Variants in NELL1 observed in about 807,000 individuals in gnomAD.
NELL1 encodes the protein protein kinase C-binding protein NELL1.
A neutral mutation model predicts 107.4 loss-of-function variants in NELL1; 76 were observed. The ratio of observed to expected loss-of-function variants is 0.71; its 90% CI spans 0.59 to 0.86. The LOEUF is 0.86. Among genes scored for constraint, NELL1 ranks in the 40% least tolerant of loss-of-function variants. NELL1 has a pLI of 0.00. For synonymous variants in NELL1, 353 were observed against 341.2 expected (o/e 1.03, Z -0.38); for missense variants, 1,024 against 1,005.5 (o/e 1.02, Z -0.25).
chr11:20,747,802 G>A (rs1306216834), intron 2 of NELL1, among the ~76,000 whole-genome samples: 1 of 152,206 alleles, frequency 6.6e-6, no homozygotes, highest in African/African-American at 2.4e-5. Context: ...ACCTGAGTTT[G>A]TAAGTTTTAG....
chr11:20,854,288 G>A (rs1451043567), intron 4 of NELL1, among the ~76,000 whole-genome samples: 2 of 152,194 alleles, frequency 1.3e-5, no homozygotes, highest in African/African-American at 4.8e-5. Flanking sequence ...AGCTTCCTAA[G>A]TATAAAATGT....
chr11:21,333,024 T>A (rs569716001), intron 14 of NELL1, among the ~76,000 whole-genome samples: 1 of 152,162 alleles, frequency 6.6e-6, no homozygotes, highest in Non-Finnish European at 1.5e-5. Context: ...AGGAAAGTGG[T>A]TGAATGTCAT....
chr11:20,697,219 T>C (rs769171622), intron 2 of NELL1, among the ~76,000 whole-genome samples: 6 of 152,142 alleles, frequency 3.9e-5, no homozygotes, highest in Admixed American at 6.6e-5. Context: ...AAAAATCATT[T>C]TGGAACACCT....
intron 15 of NELL1, among the ~76,000 whole-genome samples, chr11:21,469,109 G>GA (rs1450106161): frequency 2.0e-5 from 3 of 151,952 alleles, no homozygotes; most frequent in African/African-American, 7.2e-5. Flanking sequence ...ATAGAGATAG[G>GA]AAGACAGATC....
chr11:20,680,332 C>G (rs895092694), intron 2 of NELL1, among the ~76,000 whole-genome samples: 1 of 152,044 alleles, frequency 6.6e-6, no homozygotes, highest in East Asian at 1.9e-4. Context: ...TTCACCCCAT[C>G]GCAGTATCTC....
intron 14 of NELL1, among the ~76,000 whole-genome samples, chr11:21,310,087 C>T (rs79438470): frequency 6.6e-6 from 1 of 151,984 alleles, no homozygotes; most frequent in Non-Finnish European, 1.5e-5. Context: ...ATTTTTTAAC[C>T]TCAAAAGAAC....
intron 14 of NELL1, among the ~76,000 whole-genome samples, chr11:21,278,488 G>A (rs529965216): frequency 6.6e-6 from 1 of 152,068 alleles, no homozygotes. Context: ...AGTTTTTTCT[G>A]TATACTGGCA....
intron 12 of NELL1, among the ~76,000 whole-genome samples, chr11:21,064,554 T>A (rs574586970): frequency 8.5e-5 from 13 of 152,210 alleles, no homozygotes; most frequent in African/African-American, 3.1e-4. Context: ...TGGTAAAAAG[T>A]TCAGATTTTA....
chr11:20,935,452 A>G (rs1396950188), intron 9 of NELL1, among the ~76,000 whole-genome samples: 2 of 152,168 alleles, frequency 1.3e-5, no homozygotes, highest in Non-Finnish European at 2.9e-5. Context: ...AAGCATGGCT[A>G]GAACATATGT....
intron 2 of NELL1, among the ~76,000 whole-genome samples, chr11:20,751,736 T>C (rs1414132920): frequency 1.3e-5 from 2 of 152,224 alleles, no homozygotes; most frequent in Non-Finnish European, 2.9e-5. Flanking sequence ...GCAATCCTCC[T>C]GCCTCAGCCT....
intron 2 of NELL1, among the ~76,000 whole-genome samples, chr11:20,750,603 AC>A (rs1165756109): frequency 6.6e-6 from 1 of 151,316 alleles, no homozygotes; most frequent in Non-Finnish European, 1.5e-5. Flanking sequence ...TCATTTTGAG[AC>A]AGGGTTCTCA....
At chr11:20,995,762 C>T (rs1852077749) in intron 12 of NELL1, among the ~76,000 whole-genome samples, 1 of 152,054 alleles carries the variant, frequency 6.6e-6, no homozygotes, top group African/African-American at 2.4e-5. Flanking sequence ...TCATGCTGGG[C>T]AGTGTGGGAT....
chr11:21,178,089 GTTTTC>G (rs1360672520), intron 13 of NELL1, among the ~76,000 whole-genome samples: 6 of 151,558 alleles, frequency 4.0e-5, no homozygotes, highest in Non-Finnish European at 7.4e-5. Flanking sequence ...TCTGTTAATT[GTTTTC>G]TTTGCTTTGC....
At chr11:21,002,717 C>G (rs1409774717) in intron 12 of NELL1, among the ~76,000 whole-genome samples, 1 of 152,150 alleles carries the variant, frequency 6.6e-6, no homozygotes, top group Admixed American at 6.6e-5. Flanking sequence ...GGATCTAAGC[C>G]AGTGGAAAAA....
intron 15 of NELL1, among the ~76,000 whole-genome samples, chr11:21,392,381 A>G (rs1323593683): frequency 3.3e-5 from 5 of 151,834 alleles, no homozygotes; most frequent in African/African-American, 4.8e-5. Flanking sequence ...TCTCCACTCC[A>G]GGCTATGAGT....
chr11:21,078,575 C>A (rs1224131491), intron 12 of NELL1, among the ~76,000 whole-genome samples: 1 of 152,142 alleles, frequency 6.6e-6, no homozygotes. Flanking sequence ...TTATATTTCA[C>A]ATGTGAGTCT....
At chr11:21,090,911 TG>T (rs1181534744) in intron 12 of NELL1, among the ~76,000 whole-genome samples, 1 of 152,202 alleles carries the variant, frequency 6.6e-6, no homozygotes, top group African/African-American at 2.4e-5. Flanking sequence ...AAAATAGACT[TG>T]GATTTCAACC....
chr11:20,966,637 C>A (rs1851392435), intron 12 of NELL1, among the ~76,000 whole-genome samples: 1 of 152,092 alleles, frequency 6.6e-6, no homozygotes, highest in South Asian at 2.1e-4. Context: ...TTCCAAGGCA[C>A]AGAGATTCCT....
intron 15 of NELL1, among the ~76,000 whole-genome samples, chr11:21,508,316 GAAAT>G (rs908011075): frequency 2.0e-5 from 3 of 151,940 alleles, no homozygotes; most frequent in Admixed American, 6.6e-5. Flanking sequence ...GAGTCAAAAA[GAAAT>G]AAAATATTGT....
Sources: allele counts gnomAD v4.1 joint callset (sites outside exome capture counted in the v4.1 genomes callset), GRCh38; gene constraint gnomAD v4.1.1; transcripts MANE v1.5; gene names NCBI Gene and HGNC (gene_info 2026-07-23, HGNC 2026-07-21).